The following ACER3 variants were observed in gnomAD, a reference collection of about 807,000 sequenced individuals.
ACER3 encodes the protein alkaline ceramidase 3.
Under a neutral mutation model 48.9 loss-of-function variants are expected in ACER3, and 16 were observed. The ratio of observed to expected loss-of-function variants is 0.33; its 90% CI spans 0.22 to 0.50. The LOEUF (loss-of-function observed/expected upper bound fraction) is 0.50. Among genes scored for constraint, ACER3 ranks in the 20% least tolerant of loss-of-function variants. The probability of loss-of-function intolerance (pLI) is 0.98; values close to 1 mark genes in which losing one functional copy is unlikely to be tolerated. For synonymous variants in ACER3, 109 were observed against 107.8 expected, an observed-to-expected ratio of 1.01 and a Z score of -0.07; for missense variants, 227 against 326.0, an observed-to-expected ratio of 0.70 and a Z score of 2.34.
chr11:76,910,928 G>T, intron 1 of ACER3, among the ~76,000 whole-genome samples: 1 of 152,142 alleles, frequency 6.6e-6, no homozygotes, highest in East Asian at 1.9e-4. Context: ...AGATTATTAA[G>T]TTACATGGAT....
chr11:76,987,786 A>T (rs1012734083), intron 5 of ACER3, among the ~76,000 whole-genome samples: 3 of 152,264 alleles, frequency 2.0e-5, no homozygotes, highest in Admixed American at 6.5e-5. Flanking sequence ...AACATTTTTT[A>T]AAAATTAGCT....
chr11:76,940,148 A>G (rs1947298631), intron 2 of ACER3, among the ~76,000 whole-genome samples: 2 of 152,008 alleles, frequency 1.3e-5, no homozygotes, highest in African/African-American at 4.8e-5. Flanking sequence ...TAGATACTTA[A>G]ATTTTTTTTT....
intron 2 of ACER3, among the ~76,000 whole-genome samples, chr11:76,942,972 T>C (rs75814589): frequency 0.032 from 4,902 of 151,974 alleles, 96 homozygotes; most frequent in South Asian, 0.065. Flanking sequence ...AATAGTTGTT[T>C]ATAATAGTCT....
intron 1 of ACER3, among the ~76,000 whole-genome samples, chr11:76,871,216 T>C (rs899571058): frequency 6.6e-6 from 1 of 152,220 alleles, no homozygotes; most frequent in Non-Finnish European, 1.5e-5. Flanking sequence ...TACAATAAAA[T>C]GCATCTGTTT....
intron 5 of ACER3, among the ~76,000 whole-genome samples, chr11:76,990,164 C>T (rs1258958610): frequency 1.3e-5 from 2 of 152,178 alleles, no homozygotes; most frequent in South Asian, 4.1e-4. Context: ...GAAATTTACT[C>T]CTATCTCTAA....
intron 3 of ACER3, among the ~76,000 whole-genome samples, chr11:76,967,505 C>A (rs955329428): frequency 7.9e-5 from 12 of 151,522 alleles, no homozygotes; most frequent in Non-Finnish European, 1.5e-5. Flanking sequence ...GAATTTTAGA[C>A]CAATATCCTT....
intron 1 of ACER3, among the ~76,000 whole-genome samples, chr11:76,915,847 A>G (rs1946513299): frequency 6.6e-6 from 1 of 152,208 alleles, no homozygotes; most frequent in Admixed American, 6.5e-5. Context: ...TAAAACCATC[A>G]GATCTTGTAA....
intron 3 of ACER3, 194 bp downstream of exon 3, chr11:76,959,225 C>A: frequency 6.8e-7 from 1 of 1,461,190 alleles, no homozygotes; most frequent in Non-Finnish European, 9.0e-7. Flanking sequence ...AAAACAAGTA[C>A]AAATAGTATA....
intron 2 of ACER3, among the ~76,000 whole-genome samples, chr11:76,955,953 T>G (rs1947828614): frequency 1.3e-5 from 2 of 152,180 alleles, no homozygotes; most frequent in Non-Finnish European, 1.5e-5. Flanking sequence ...CATAAAAGAC[T>G]ACATGATGTA....
intron 1 of ACER3, among the ~76,000 whole-genome samples, chr11:76,882,021 T>G (rs1206897535): frequency 4.5e-5 from 5 of 112,016 alleles, no homozygotes; most frequent in African/African-American, 1.4e-4. Flanking sequence ...TTTTTTTTTT[T>G]TGAGATGGAG....
At position 76,938,970 on chromosome 11, in the gene ACER3, T is replaced by TAAAAAAAAAAA. The variant is rs57652669; in HGVS notation, c.214+12311_214+12312insAAAAAAAAAAA. ...ATCTTGTCAGAAAGTAAGAAAGTGC[T>TAAAAAAAAAAA]AAAAAAAATGAAGGAATCATGTCAA... On this transcript the variant is annotated intron_variant, in intron 2 of 10. Coordinates refer to ENST00000532485, the MANE Select transcript of ACER3 (RefSeq NM_018367.7). Among the ~76,000 whole-genome samples, 366 of 143,316 alleles carry TAAAAAAAAAAA rather than the reference T, an allele frequency of 2.6e-3. 10 individuals are homozygous for TAAAAAAAAAAA. Among genetic ancestry groups the TAAAAAAAAAAA allele is most frequent in the Middle Eastern group, 7.1e-3 (2 of 280 alleles). The allele number at this position is 143,316 out of a possible 152,430, so 94.0% of individuals were successfully genotyped here.
At position 77,016,826 on chromosome 11, in the gene ACER3, T is replaced by G. The variant is rs782338496; in HGVS notation, c.704+47T>G. On this transcript the variant is annotated intron_variant, in intron 9 of 10. Coordinates refer to ENST00000532485, the MANE Select transcript of ACER3 (RefSeq NM_018367.7). ...AGCCTCGTACTAGAGTTTGTTGTTT[T>G]TTTTTTTCTTTACTCTTTAAATAGG... 9 of 1,047,622 alleles carry G rather than the reference T, an allele frequency of 8.6e-6. No homozygotes were observed. In the African/African-American group the frequency reaches 1.1e-4, roughly 13 times the overall value. The allele number at this position is 1,047,622 out of a possible 1,614,324, so 64.9% of individuals were successfully genotyped here.
At chr11:76,888,556 T>C (rs1451290078) in intron 1 of ACER3, among the ~76,000 whole-genome samples, 1 of 152,226 alleles carries the variant, frequency 6.6e-6, no homozygotes, top group African/African-American at 2.4e-5. Flanking sequence ...AAGAATCTAT[T>C]AGCAGAATTC....
chr11:76,907,796 A>G (rs1699506868), intron 1 of ACER3, among the ~76,000 whole-genome samples: 1 of 152,172 alleles, frequency 6.6e-6, no homozygotes, highest in Non-Finnish European at 1.5e-5. Flanking sequence ...ACTTGAACCC[A>G]GGAGGGAGAG....
chr11:76,975,466 C>A (rs1276405238), intron 3 of ACER3, among the ~76,000 whole-genome samples: 1 of 151,960 alleles, frequency 6.6e-6, no homozygotes, highest in Non-Finnish European at 1.5e-5. Context: ...AATGTTATTT[C>A]TCAGAGGTAT....
At chr11:76,971,484 G>A (rs1002268660) in intron 3 of ACER3, among the ~76,000 whole-genome samples, 3 of 151,564 alleles carry the variant, frequency 2.0e-5, no homozygotes, top group African/African-American at 7.3e-5. Flanking sequence ...AGGTTGCAGT[G>A]AGCCAAGATC....
At chr11:76,978,340 C>T (rs1296304093) in intron 4 of ACER3, 2 of 152,322 alleles carry the variant, frequency 1.3e-5, no homozygotes, top group Non-Finnish European at 2.9e-5. Context: ...CACTTCCTCC[C>T]TCCCGAGCCC....
At chr11:76,961,452 G>A (rs1161854546) in intron 3 of ACER3, among the ~76,000 whole-genome samples, 1 of 151,630 alleles carries the variant, frequency 6.6e-6, no homozygotes, top group Admixed American at 6.6e-5. Context: ...TGGGAATGGG[G>A]AACTTCAAAG....
At chr11:76,926,771 G>A in intron 2 of ACER3, 104 bp downstream of exon 2, 2 of 700,746 alleles carry the variant, frequency 2.9e-6, no homozygotes, top group South Asian at 2.2e-5. Context: ...TACATAACTT[G>A]AATATATTCT....
Sources: gnomAD v4.1 joint callset for allele counts (sites outside exome capture counted in the v4.1 genomes callset) on GRCh38, gnomAD v4.1.1 for gene constraint, MANE v1.5 for transcripts, NCBI Gene and HGNC (gene_info 2026-07-23, HGNC 2026-07-21) for gene names.